The following ACTN1 variants were observed in gnomAD, a reference collection of about 807,000 sequenced individuals.
ACTN1 encodes the protein alpha-actinin-1.
In ACTN1, 30 loss-of-function variants were observed where a neutral mutation model predicts 119.6. The observed-to-expected ratio is 0.25, with a 90% confidence interval of 0.19 to 0.34. The LOEUF (loss-of-function observed/expected upper bound fraction) is 0.34, where lower values mean the gene tolerates loss of function less well. ACTN1 is among the 10% of genes least tolerant of loss of function. ACTN1 has a pLI of 1.00. For missense variants in ACTN1, 764 were observed against 1,223.4 expected, an observed-to-expected ratio of 0.62 and a Z score of 5.60; for synonymous variants, 429 against 472.6, an observed-to-expected ratio of 0.91 and a Z score of 1.20.
intron 8 of ACTN1, among the ~76,000 whole-genome samples, chr14:68,894,545 C>T (rs1185292158): frequency 6.6e-6 from 1 of 152,186 alleles, no homozygotes; most frequent in African/African-American, 2.4e-5. Context: ...GGCTACTGTA[C>T]CCCTAACACC....
chr14:68,916,975 C>G (rs1271312644), intron 3 of ACTN1, among the ~76,000 whole-genome samples: 1 of 152,080 alleles, frequency 6.6e-6, no homozygotes, highest in Admixed American at 6.5e-5. Context: ...GGTATGGCAC[C>G]CACCGCCCCC....
chr14:68,938,431 C>G (rs2035627145), intron 1 of ACTN1, among the ~76,000 whole-genome samples: 1 of 152,076 alleles, frequency 6.6e-6, no homozygotes, highest in South Asian at 2.1e-4. Flanking sequence ...CATCTGTCTG[C>G]TTGGACAGGA....
Position 68,883,047 on chromosome 14 carries a change from G to C in ACTN1, c.1644C>G (p.Thr548=). 6.2e-7 allele frequency: 1 copy of C among 1,614,056 alleles called. No individual in the cohort carries two copies. Among genetic ancestry groups the C allele is most frequent in the Non-Finnish European group, 8.5e-7 (1 of 1,180,004 alleles). Residue 548 remains threonine (T), a synonymous_variant, in exon 15 of 22, where the codon ACC becomes ACG. Transcript: ENST00000394419. ...VHTIEEIQGL[T]TAHEQFKATL... ...TGGCCTTGAACTGCTCATGGGCTGT[G>C]GTCAGTCCCTGGACAGAGATGGGAA...
rs559792203 is a variant in ACTN1, at chr14:68,880,337, G to T, written c.2134-229C>A. 5.8e-4 allele frequency among the ~76,000 whole-genome samples: 88 copies of T among 152,334 alleles called. No individual in the cohort carries two copies. The South Asian group carries it at 7.2e-3, about 13-fold the overall frequency. On this transcript the variant is annotated intron_variant, in intron 17 of 21. Coordinates refer to ENST00000394419, the MANE Select transcript of ACTN1 (RefSeq NM_001130004.2). This position sits in a 1 kb window ranked among gnomAD's most constrained non-coding sequence, Gnocchi z 4.6. ...GGCAGCCTCTGCCTGGGAGAGCAAA[G>T]AAACCAGGACTTGCCAATGGGGGTC... is the stretch of plus-strand genomic sequence containing the variant.
At chr14:68,896,262 C>T (rs1185978379) in intron 8 of ACTN1, among the ~76,000 whole-genome samples, 1 of 152,168 alleles carries the variant, frequency 6.6e-6, no homozygotes, top group Non-Finnish European at 1.5e-5. Context: ...CTCTCGCAGC[C>T]TGACTCCCCC....
chr14:68,934,188 G>A (rs2035369914), intron 1 of ACTN1, among the ~76,000 whole-genome samples: 1 of 152,208 alleles, frequency 6.6e-6, no homozygotes, highest in Non-Finnish European at 1.5e-5. Flanking sequence ...AATAATGTAT[G>A]ACATGCTAAA....
At position 68,918,447 on chromosome 14, in the gene ACTN1, G is replaced by A. The variant is rs75026063; in HGVS notation, c.340+2559C>T. Among the ~76,000 whole-genome samples the A allele has an allele frequency of 1.4e-3, 219 of 151,962 alleles. 2 individuals are homozygous for A. The highest frequency in any genetic ancestry group is 8.1e-4 in the Non-Finnish European group (55 of 67,986). The stretch of plus-strand genomic sequence containing the variant: ...ATATTTAAAAAAAAATTAGCCAGGC[G>A]TGGTGGTGGGCGCCTGTAGTCCCAG... On this transcript the variant is annotated intron_variant, in intron 3 of 21. Transcript: ENST00000394419.
intron 6 of ACTN1, among the ~76,000 whole-genome samples, chr14:68,907,961 GC>G (rs2033767749): frequency 6.6e-6 from 1 of 152,032 alleles, no homozygotes; most frequent in Non-Finnish European, 1.5e-5. Flanking sequence ...TTCCCCCTTG[GC>G]CACGTTTGAT....
chr14:68,880,765 AG>A lies in ACTN1; in HGVS notation c.2133+44del. ...TTCCCCACCCAGGAGAAAGAGCAGA[AG>A]GGGCCACGGGCTCCCGAAGAGGAAC... On this transcript the variant is annotated intron_variant, in intron 17 of 21. Coordinates refer to ENST00000394419, the MANE Select transcript of ACTN1 (RefSeq NM_001130004.2). This position sits in a 1 kb window ranked among gnomAD's most constrained non-coding sequence, Gnocchi z 4.6. 6.3e-7 allele frequency: 1 copy of A among 1,595,550 alleles called. No homozygotes were observed. Among genetic ancestry groups the A allele is most frequent in the Non-Finnish European group, 8.6e-7 (1 of 1,166,760 alleles).
At chr14:68,977,967 G>C (rs1447812696) in intron 1 of ACTN1, 1 of 455,988 alleles carries the variant, frequency 2.2e-6, no homozygotes, top group African/African-American at 2.0e-5. Flanking sequence ...GCAGGAAGCA[G>C]CGGTAGGGTT....
In ACTN1 at chr14:68,890,240, T is replaced by G; in HGVS notation, c.1133A>C (p.Tyr378Ser). 1 of 1,614,164 alleles carries G rather than the reference T, an allele frequency of 6.2e-7. No individual in the cohort carries two copies. The highest frequency in any genetic ancestry group is 8.5e-7 in the Non-Finnish European group (1 of 1,180,004). ...WGCLEQVEKG[Y>S]EEWLLNEIRR... Reference sequence around the variant, plus strand: ...GATCTCATTCAGCAACCACTCCTCATAGCCCTTCTCCACCTGCTCCAGGCA... The same window carrying G: ...GATCTCATTCAGCAACCACTCCTCAGAGCCCTTCTCCACCTGCTCCAGGCA... The change falls in exon 11 of 22, where the codon TAT becomes TCT. Residue 378 changes from tyrosine (Y) to serine (S), a missense_variant. Physicochemically the swap from Tyr to Ser is moderately radical, Grantham distance 144. This residue lies in a region of ACTN1 where 544 missense variants were observed against 912.0 expected (regional missense o/e 0.60). Coordinates refer to ENST00000394419, the MANE Select transcript of ACTN1 (RefSeq NM_001130004.2).
chr14:68,965,364 C>A (rs1265877847), intron 1 of ACTN1, among the ~76,000 whole-genome samples: 4 of 152,260 alleles, frequency 2.6e-5, no homozygotes, highest in Non-Finnish European at 5.9e-5. Flanking sequence ...CCTATTGACA[C>A]CAGTCCCTTG....
chr14:68,886,221 G>T (rs1047342268), intron 11 of ACTN1: 1 of 152,262 alleles, frequency 6.6e-6, no homozygotes, highest in African/African-American at 2.4e-5. Context: ...GGCACAGGAT[G>T]GGGGCTGGCC....
In ACTN1 at chr14:68,904,632, C is replaced by G. The variant is rs758628074; in HGVS notation, c.676+23G>C. 11 of 1,610,234 alleles carry G rather than the reference C, an allele frequency of 6.8e-6. No individual in the cohort carries two copies. The East Asian group carries it at 2.0e-4, about 29-fold the overall frequency. On this transcript the variant is annotated intron_variant, in intron 7 of 21. Transcript: ENST00000394419. ...TGGCAGGTGGGCGATGGGCAAGAGA[C>G]ACAGAAGGAAAGCGCCTTTCACCTT... is the stretch of plus-strand genomic sequence containing the variant.
At chr14:68,976,814 C>A (rs757801290) in intron 1 of ACTN1, among the ~76,000 whole-genome samples, 4 of 152,222 alleles carry the variant, frequency 2.6e-5, no homozygotes, top group Non-Finnish European at 5.9e-5. Flanking sequence ...TGGCACATAT[C>A]AGCAAATGCC....
intron 3 of ACTN1, among the ~76,000 whole-genome samples, chr14:68,919,645 G>C (rs1324081725): frequency 6.6e-6 from 1 of 152,208 alleles, no homozygotes; most frequent in African/African-American, 2.4e-5. Flanking sequence ...AGCTGGTGGG[G>C]GAGATGCTGG....
rs1594771224 is a variant in ACTN1, at chr14:68,892,153, T to C, written c.986A>G (p.Gln329Arg). The C allele has an allele frequency of 6.2e-7, 1 of 1,614,122 alleles. No individual in the cohort carries two copies. Among genetic ancestry groups the C allele is most frequent in the East Asian group, 2.2e-5 (1 of 44,864 alleles). The change falls in exon 10 of 22, where the codon CAG becomes CGG. Residue 329 changes from glutamine (Q) to arginine (R), a missense_variant. By Grantham distance (43) the Gln-to-Arg change is conservative. This residue lies in a region of ACTN1 where 544 missense variants were observed against 912.0 expected (regional missense o/e 0.60). Transcript: ENST00000394419. The part of the protein sequence containing the change: ...YRRLHKPPKV[Q>R]EKCQLEINFN... ...GTTGATCTCCAGCTGGCACTTCTCC[T>C]GCACCTTGGGCGGCTTGTGCAGGCG...
intron 1 of ACTN1, among the ~76,000 whole-genome samples, chr14:68,958,125 A>G (rs576931785): frequency 3.3e-5 from 5 of 152,362 alleles, no homozygotes; most frequent in Admixed American, 3.3e-4. Context: ...GAAGCCAATC[A>G]GTGATAATTT....
At chr14:68,929,134 A>T (rs2035090727) in intron 1 of ACTN1, among the ~76,000 whole-genome samples, 2 of 149,888 alleles carry the variant, frequency 1.3e-5, no homozygotes, top group South Asian at 4.2e-4. Flanking sequence ...GTGGGTGCAG[A>T]AAACCAGGGA....
Sources: gnomAD v4.1 joint callset for allele counts (sites outside exome capture counted in the v4.1 genomes callset) on GRCh38, gnomAD v4.1.1 for gene constraint, gnomAD v4.1.1 regional missense constraint, Gnocchi (gnomAD v3.1) non-coding constraint, MANE v1.5 for transcripts, NCBI Gene and HGNC (gene_info 2026-07-23, HGNC 2026-07-21) for gene names.